The following KCNH8 variants were observed in gnomAD, a reference collection of about 807,000 sequenced individuals.
KCNH8 encodes the protein voltage-gated delayed rectifier potassium channel KCNH8.
Under a neutral mutation model 103.6 loss-of-function variants are expected in KCNH8, and 70 were observed. The observed-to-expected ratio is 0.68, with a 90% CI of 0.56 to 0.82. KCNH8 has a LOEUF of 0.82. Ranked by LOEUF, KCNH8 falls within the 40% of genes least tolerant of loss-of-function variation. The pLI is 0.00. For missense variants in KCNH8, 1,217 were observed against 1,329.9 expected, an observed-to-expected ratio of 0.92 and a Z score of 1.32; for synonymous variants, 498 against 489.4, an observed-to-expected ratio of 1.02 and a Z score of -0.23.
At chr3:19,166,874 G>A (rs1480219608) in intron 1 of KCNH8, among the ~76,000 whole-genome samples, 4 of 152,158 alleles carry the variant, frequency 2.6e-5, no homozygotes, top group Non-Finnish European at 5.9e-5. Flanking sequence ...TCATCAATGT[G>A]AGCTATTTGA....
chr3:19,181,903 A>C (rs556829131), intron 1 of KCNH8, among the ~76,000 whole-genome samples: 34 of 152,322 alleles, frequency 2.2e-4, no homozygotes, highest in African/African-American at 7.7e-4. Context: ...TTAGGGGCCA[A>C]TCCTTTTTTC....
chr3:19,531,468 ATGT>A (rs1344956093), intron 15 of KCNH8, among the ~76,000 whole-genome samples: 39 of 152,286 alleles, frequency 2.6e-4, no homozygotes, highest in African/African-American at 8.7e-4. Context: ...AGGCTGAGAG[ATGT>A]TGTTGTCTTC....
chr3:19,203,699 T>C (rs539962977), intron 1 of KCNH8, among the ~76,000 whole-genome samples: 4 of 152,190 alleles, frequency 2.6e-5, no homozygotes, highest in African/African-American at 9.6e-5. Context: ...TAAGAAACTC[T>C]TCAAAGTACA....
At chr3:19,261,521 AT>A (rs906377623) in intron 2 of KCNH8, among the ~76,000 whole-genome samples, 58 of 151,280 alleles carry the variant, frequency 3.8e-4, no homozygotes, top group South Asian at 1.0e-3. Flanking sequence ...GTGGTTTGAA[AT>A]TTTTTTTCTC....
intron 5 of KCNH8, among the ~76,000 whole-genome samples, chr3:19,353,470 T>C (rs2065834096): frequency 6.6e-6 from 1 of 152,182 alleles, no homozygotes; most frequent in Non-Finnish European, 1.5e-5. Context: ...TGCACATCAA[T>C]GCAAAAATCC....
intron 3 of KCNH8, among the ~76,000 whole-genome samples, chr3:19,297,236 C>G (rs753687819): frequency 6.6e-6 from 1 of 152,130 alleles, no homozygotes; most frequent in Non-Finnish European, 1.5e-5. Context: ...AAGCAGCCAC[C>G]GGCTGAGAAT....
At chr3:19,281,067 T>C (rs1247000232) in intron 2 of KCNH8, 131 bp from the exon 3 acceptor site, 3 of 874,148 alleles carry the variant, frequency 3.4e-6, no homozygotes, top group Non-Finnish European at 5.3e-6. Context: ...AAAACTGACA[T>C]TTTTAAGATG....
chr3:19,461,981 T>G (rs1294664601), intron 11 of KCNH8, among the ~76,000 whole-genome samples: 2 of 152,242 alleles, frequency 1.3e-5, no homozygotes, highest in Non-Finnish European at 2.9e-5. Flanking sequence ...TCATCCTTTT[T>G]TATGGCTGCA....
At position 19,438,380 on chromosome 3, in the gene KCNH8, T is replaced by G. The variant is rs758009405; in HGVS notation, c.1375+19T>G. 1 of 1,592,046 alleles carries G rather than the reference T, an allele frequency of 6.3e-7. No individual in the cohort carries two copies. The highest frequency in any genetic ancestry group is 8.6e-7 in the Non-Finnish European group (1 of 1,162,622). On this transcript the variant is annotated intron_variant, in intron 8 of 15. Coordinates refer to ENST00000328405, the MANE Select transcript of KCNH8 (RefSeq NM_144633.3). ...ATTGGTGGTAAGAGAGCATCTTCTT[T>G]TATACTAAGAAGAGGAACTATGCCT...
chr3:19,424,801 C>G (rs146778148), intron 7 of KCNH8, among the ~76,000 whole-genome samples: 170 of 152,160 alleles, frequency 1.1e-3, no homozygotes, highest in Admixed American at 3.1e-3. Flanking sequence ...ATAGACCGTT[C>G]TCAAAAGAAG....
intron 5 of KCNH8, among the ~76,000 whole-genome samples, chr3:19,375,890 TG>T (rs1192209845): frequency 6.6e-6 from 1 of 152,190 alleles, no homozygotes; most frequent in African/African-American, 2.4e-5. Context: ...GTGCCCTTGC[TG>T]GGGGGTGCCT....
intron 8 of KCNH8, among the ~76,000 whole-genome samples, chr3:19,442,924 C>T (rs2067304145): frequency 6.6e-6 from 1 of 151,864 alleles, no homozygotes; most frequent in South Asian, 2.1e-4. Context: ...ATTATTAATA[C>T]CCCAATTTAG....
At chr3:19,431,504 T>C (rs1240838272) in intron 7 of KCNH8, among the ~76,000 whole-genome samples, 1 of 152,194 alleles carries the variant, frequency 6.6e-6, no homozygotes, top group Non-Finnish European at 1.5e-5. Context: ...CCTTAGGAAG[T>C]AGTCCCTTCT....
intron 3 of KCNH8, among the ~76,000 whole-genome samples, chr3:19,328,935 A>T (rs1162001067): frequency 3.3e-5 from 5 of 152,174 alleles, no homozygotes; most frequent in Admixed American, 1.3e-4. Context: ...ACTGTCAGAA[A>T]TATGTTCTAA....
intron 7 of KCNH8, among the ~76,000 whole-genome samples, chr3:19,422,032 G>A (rs1015761332): frequency 2.0e-5 from 3 of 152,062 alleles, no homozygotes; most frequent in African/African-American, 7.2e-5. Flanking sequence ...CAAAGAACAT[G>A]AGATAGTACA....
chr3:19,254,371 G>A (rs574739414), intron 2 of KCNH8, among the ~76,000 whole-genome samples: 1 of 151,824 alleles, frequency 6.6e-6, no homozygotes, highest in Admixed American at 6.6e-5. Flanking sequence ...TTCTTTTCCG[G>A]TTACCTAGCC....
At chr3:19,430,520 G>C (rs1187390024) in intron 7 of KCNH8, among the ~76,000 whole-genome samples, 1 of 152,014 alleles carries the variant, frequency 6.6e-6, no homozygotes, top group Non-Finnish European at 1.5e-5. Flanking sequence ...GTTTTGTGAA[G>C]AATGCCAATG....
intron 5 of KCNH8, among the ~76,000 whole-genome samples, chr3:19,359,137 T>C (rs1168030493): frequency 6.6e-6 from 1 of 150,996 alleles, no homozygotes; most frequent in Admixed American, 6.6e-5. Flanking sequence ...ATGCCAGTTA[T>C]AGAATTAAAT....
At chr3:19,515,194 A>G (rs2068853156) in intron 13 of KCNH8, 128 bp from the exon 14 acceptor site, 1 of 477,750 alleles carries the variant, frequency 2.1e-6, no homozygotes, top group African/African-American at 2.0e-5. Flanking sequence ...AATGGTTACT[A>G]TATTGAATAG....
Sources: gnomAD v4.1 joint callset for allele counts (sites outside exome capture counted in the v4.1 genomes callset) on GRCh38, gnomAD v4.1.1 for gene constraint, MANE v1.5 for transcripts, NCBI Gene and HGNC (gene_info 2026-07-23, HGNC 2026-07-21) for gene names.